Variants in HPS1 observed in about 807,000 individuals in gnomAD.
HPS1 encodes the protein HPS1 biogenesis of lysosomal organelles complex 3 subunit 1.
In HPS1, 59 loss-of-function variants were observed where a neutral mutation model predicts 90.6. The observed-to-expected ratio is 0.65, with a 90% CI of 0.53 to 0.81. HPS1 has a LOEUF of 0.81. Among genes scored for constraint, HPS1 ranks in the 30% least tolerant of loss-of-function variants. HPS1 has a pLI of 0.00. For missense variants in HPS1, 849 were observed against 896.7 expected, an observed-to-expected ratio of 0.95 and a Z score of 0.68; for synonymous variants, 388 against 384.4, an observed-to-expected ratio of 1.01 and a Z score of -0.11.
chr10:98,437,586 G>A (rs1268309943), intron 3 of HPS1, among the ~76,000 whole-genome samples: 2 of 152,234 alleles, frequency 1.3e-5, no homozygotes, highest in African/African-American at 4.8e-5. Context: ...GTCACATGCT[G>A]TAGGTTTGCA....
chr10:98,415,157 G>A (rs1189608529), downstream of HPS1: 1 of 1,608,886 alleles, frequency 6.2e-7, no homozygotes, highest in East Asian at 2.2e-5. Context: ...GCTGGGCCTT[G>A]CTAGGCAGGG....
rs762839067 is a variant in HPS1 at position 98,427,258 on chromosome 10, G to A, written c.944C>T (p.Thr315Ile). Residue 315 changes from threonine (T) to isoleucine (I), a missense_variant, in exon 11 of 20, where the codon ACC becomes ATC. Physicochemically the swap from Thr to Ile is moderately conservative, Grantham distance 89. Transcript: ENST00000361490. ...PSPGDQSSGS[T>I]IWLEGGTPPM... ...GGGGGTGCCCCCCTCCAGCCAGATG[G>A]TGCTACCTGCAGGCCACAGGTAATA... The A allele has an allele frequency of 1.9e-6, 3 of 1,551,236 alleles. No individual in the cohort carries two copies. Among genetic ancestry groups the A allele is most frequent in the Middle Eastern group, 1.7e-4 (1 of 5,988 alleles).
intron 13 of HPS1, among the ~76,000 whole-genome samples, chr10:98,424,778 G>T (rs1484674396): frequency 6.6e-6 from 1 of 150,780 alleles, no homozygotes; most frequent in African/African-American, 2.4e-5. Context: ...GGCCTCACGG[G>T]ATCTCTATAA....
chr10:98,443,378 A>T, intron 2 of HPS1, 138 bp from the exon 3 acceptor site: 1 of 768,884 alleles, frequency 1.3e-6, no homozygotes, highest in East Asian at 2.4e-5. Flanking sequence ...AGGGACTTCC[A>T]TTTTTGTTGC....
rs756136966 is a variant in HPS1, at chr10:98,435,682, T to C, written c.208A>G (p.Thr70Ala). The change falls in exon 4 of 20, where the codon ACC becomes GCC. Residue 70 changes from threonine to alanine, a missense_variant. Transcript: ENST00000361490. The surrounding 1 kb of genome is among the most constrained non-coding windows in gnomAD (Gnocchi z 4.3). ...TTGCCATTTTCCGTGGAGAAGCAGGTGTAGGTGTCCGAGAGCTTCTCCAGC... is the reference window on the plus strand; with the variant it reads ...TTGCCATTTTCCGTGGAGAAGCAGGCGTAGGTGTCCGAGAGCTTCTCCAGC... ...TMLEKLSDTY[T>A]CFSTENGNFL... 1.2e-6 allele frequency: 2 copies of C among 1,613,984 alleles called. No homozygotes were observed. The highest frequency in any genetic ancestry group is 2.2e-5 in the South Asian group (2 of 91,056).
chr10:98,433,961 G>A, intron 6 of HPS1, 22 bp downstream of exon 6: 1 of 1,551,812 alleles, frequency 6.4e-7, no homozygotes, highest in Non-Finnish European at 8.7e-7. Flanking sequence ...AAGTCCTGAG[G>A]ACTCCCGCGC....
chr10:98,413,965 G>A (rs1166094076), downstream of HPS1: 1 of 151,898 alleles, frequency 6.6e-6, no homozygotes, highest in African/African-American at 2.4e-5. Flanking sequence ...TGAGAGTATT[G>A]TATCTTTATT....
At chr10:98,438,802 G>GA (rs1256693610) in intron 3 of HPS1, among the ~76,000 whole-genome samples, 5 of 152,176 alleles carry the variant, frequency 3.3e-5, no homozygotes, top group Non-Finnish European at 7.3e-5. Context: ...AAGACAATGG[G>GA]AAAAATGTCT....
intron 3 of HPS1, among the ~76,000 whole-genome samples, chr10:98,436,846 G>T (rs1164747559): frequency 6.6e-6 from 1 of 152,196 alleles, no homozygotes; most frequent in African/African-American, 2.4e-5. Context: ...AAGAAAGACA[G>T]GCAACTGGCC....
Position 98,445,769 on chromosome 10 carries a change from C to T in HPS1, c.-105-365G>A, listed in dbSNP as rs1939395407. On this transcript the variant is annotated intron_variant, in intron 1 of 19. Transcript: ENST00000361490. The surrounding 1 kb of genome is among the most constrained non-coding windows in gnomAD (Gnocchi z 4.5). ...CATCCCAGGTGGTGAGGATGCAGTC[C>T]CGGTGAAGGGAGTGGGGATCCTGGG... Among the ~76,000 whole-genome samples, 1 of 152,098 alleles carries T rather than the reference C, an allele frequency of 6.6e-6. No homozygotes were observed. The highest frequency in any genetic ancestry group is 6.5e-5 in the Admixed American group (1 of 15,270).
chr10:98,418,773 C>T (rs1844461388), intron 18 of HPS1, among the ~76,000 whole-genome samples: 4 of 152,348 alleles, frequency 2.6e-5, no homozygotes, highest in African/African-American at 7.2e-5. Context: ...CCCCACGGCA[C>T]CGGCTGGGCT....
intron 3 of HPS1, among the ~76,000 whole-genome samples, chr10:98,438,324 G>C (rs559948740): frequency 6.6e-6 from 1 of 152,298 alleles, no homozygotes; most frequent in East Asian, 1.9e-4. Flanking sequence ...GGGAAAGTTT[G>C]GAACTTCCCA....
chr10:98,424,141 G>A (rs1253314652), intron 14 of HPS1, among the ~76,000 whole-genome samples, 172 bp downstream of exon 14: 1 of 152,160 alleles, frequency 6.6e-6, no homozygotes, highest in Non-Finnish European at 1.5e-5. Flanking sequence ...TCAGGCAATG[G>A]GAAGGAGCTT....
rs192732652 is a variant in HPS1 at position 98,443,766 on chromosome 10, C to T, written c.1-526G>A. Among the ~76,000 whole-genome samples, 979 of 152,306 alleles carry T rather than the reference C, an allele frequency of 6.4e-3. 9 individuals carry two copies. Among genetic ancestry groups the T allele is most frequent in the African/African-American group, 0.022 (899 of 41,560 alleles). The stretch of plus-strand genomic sequence containing the variant: ...ACAGTTCCAGGGCTGGGCGCGGTGG[C>T]TCACGCCTGTAATCCCAGCACTTTG... On this transcript the variant is annotated intron_variant, in intron 2 of 19. Coordinates refer to ENST00000361490, the MANE Select transcript of HPS1 (RefSeq NM_000195.5).
At position 98,417,782 on chromosome 10, in the gene HPS1, G is replaced by C. The variant is rs576881407; in HGVS notation, c.1941-56C>G. The C allele has an allele frequency of 1.3e-6, 2 of 1,537,206 alleles. No homozygotes were observed. The highest frequency in any genetic ancestry group is 2.7e-5 in the African/African-American group (2 of 73,374). Reference sequence around the variant, plus strand: ...AGTGAGGCTGTGGCACTCCTCCAGCGCCAGAGGCCTCTCTGGGCCCTCGCA... The same window carrying C: ...AGTGAGGCTGTGGCACTCCTCCAGCCCCAGAGGCCTCTCTGGGCCCTCGCA... On this transcript the variant is annotated intron_variant, in intron 19 of 19. Coordinates refer to ENST00000361490, the MANE Select transcript of HPS1 (RefSeq NM_000195.5). This position sits in a 1 kb window ranked among gnomAD's most constrained non-coding sequence, Gnocchi z 4.2.
downstream of HPS1, among the ~76,000 whole-genome samples, chr10:98,415,529 C>G (rs1843997854): frequency 6.6e-6 from 1 of 152,240 alleles, no homozygotes; most frequent in South Asian, 2.1e-4. Context: ...AAAGGGCCCT[C>G]TCCTCCCCTG....
intron 6 of HPS1, among the ~76,000 whole-genome samples, chr10:98,431,932 A>G (rs1394376417): frequency 6.6e-6 from 1 of 152,260 alleles, no homozygotes; most frequent in African/African-American, 2.4e-5. Context: ...AATGTTTTAC[A>G]TTCTTTTTTG....
chr10:98,424,464 G>T, intron 13 of HPS1, 90 bp from the exon 14 acceptor site: 1 of 1,130,652 alleles, frequency 8.8e-7, no homozygotes, highest in South Asian at 1.3e-5. Context: ...GCTCTGAGAG[G>T]GCACAGGGCC....
chr10:98,434,616 C>A (rs895994948), intron 5 of HPS1, among the ~76,000 whole-genome samples: 24 of 151,884 alleles, frequency 1.6e-4, no homozygotes, highest in African/African-American at 5.6e-4. Context: ...GGTAGTTGCT[C>A]ATATCGCCAC....
Sources: gnomAD v4.1 joint callset for allele counts (sites outside exome capture counted in the v4.1 genomes callset) on GRCh38, gnomAD v4.1.1 for gene constraint, Gnocchi (gnomAD v3.1) non-coding constraint, MANE v1.5 for transcripts, NCBI Gene and HGNC (gene_info 2026-07-23, HGNC 2026-07-21) for gene names.